KCNH5: variants seen among roughly 807,000 people sequenced by gnomAD.
KCNH5 encodes voltage-gated delayed rectifier potassium channel KCNH5.
In KCNH5, 46 loss-of-function variants were observed where a neutral mutation model predicts 96.1. The observed-to-expected ratio is 0.48, with a 90% CI of 0.38 to 0.61. The LOEUF (loss-of-function observed/expected upper bound fraction) is 0.61. Ranked by LOEUF, KCNH5 falls within the 20% of genes least tolerant of loss-of-function variation. KCNH5 has a pLI of 0.00. For missense variants in KCNH5, 907 were observed against 1,225.8 expected, an observed-to-expected ratio of 0.74 and a Z score of 3.88; for synonymous variants, 439 against 449.8, an observed-to-expected ratio of 0.98 and a Z score of 0.30.
intron 6 of KCNH5, among the ~76,000 whole-genome samples, chr14:62,977,458 C>T (rs535523752): frequency 6.6e-6 from 1 of 152,058 alleles, no homozygotes; most frequent in Non-Finnish European, 1.5e-5. Flanking sequence ...GAAAATGGTG[C>T]ATTTAAATAG....
At position 62,944,133 on chromosome 14, in the gene KCNH5, T is replaced by C. The variant is rs566555825; in HGVS notation, c.1369+6000A>G. ...GACAGAGCCCACATCCAACTTAGCA[T>C]TATGGTAGCAAGAGCCTAGGAAAGG... On this transcript the variant is annotated intron_variant, in intron 7 of 10. Transcript: ENST00000322893. 5.0e-4 allele frequency among the ~76,000 whole-genome samples: 76 copies of C among 152,166 alleles called. 2 individuals carry two copies. In the South Asian group the frequency reaches 0.016, roughly 32 times the overall value.
chr14:62,930,975 G>T (rs2140115737), intron 7 of KCNH5, among the ~76,000 whole-genome samples: 1 of 152,226 alleles, frequency 6.6e-6, no homozygotes, highest in East Asian at 1.9e-4. Context: ...CACAGTGCTT[G>T]ATCATTTTTA....
intron 10 of KCNH5, among the ~76,000 whole-genome samples, chr14:62,738,727 G>T (rs1595600810): frequency 6.6e-6 from 1 of 152,056 alleles, no homozygotes; most frequent in Admixed American, 6.6e-5. Flanking sequence ...AGTACCATCA[G>T]GCACTGTGCC....
At chr14:62,925,823 A>T (rs551316817) in intron 7 of KCNH5, among the ~76,000 whole-genome samples, 4 of 152,216 alleles carry the variant, frequency 2.6e-5, no homozygotes, top group African/African-American at 9.6e-5. Flanking sequence ...AATAATAGTT[A>T]AATGGTTGAG....
At chr14:63,038,185 C>G (rs138469207) in intron 1 of KCNH5, among the ~76,000 whole-genome samples, 5,022 of 152,268 alleles carry the variant, frequency 0.033, 108 homozygotes, top group African/African-American at 0.044. Flanking sequence ...ATTTAATCAG[C>G]ATTGGCTTGG....
At chr14:62,817,603 C>T (rs1887014781) in intron 8 of KCNH5, among the ~76,000 whole-genome samples, 2 of 150,160 alleles carry the variant, frequency 1.3e-5, no homozygotes, top group South Asian at 4.2e-4. Flanking sequence ...GCTATATCTA[C>T]TATATGTCGA....
At chr14:62,799,367 A>C (rs2139996561) in intron 9 of KCNH5, among the ~76,000 whole-genome samples, 1 of 152,022 alleles carries the variant, frequency 6.6e-6, no homozygotes, top group East Asian at 1.9e-4. Flanking sequence ...ACCTGAGGTC[A>C]GGAGTTCGAG....
At chr14:62,863,355 G>T (rs1176772950) in intron 7 of KCNH5, among the ~76,000 whole-genome samples, 1 of 152,140 alleles carries the variant, frequency 6.6e-6, no homozygotes, top group Non-Finnish European at 1.5e-5. Context: ...AAAGTACTCT[G>T]ACATGCCAGT....
At position 62,702,504 on chromosome 14, in the gene KCNH5, C is replaced by A. The variant is rs546531223; in HGVS notation, c.*5004G>T. 7.9e-5 allele frequency: 12 copies of A among 152,066 alleles called. No homozygotes were observed. The South Asian group carries it at 2.5e-3, about 32-fold the overall frequency. 9.4% of individuals were successfully genotyped at this position (152,066 alleles called of 1,614,324 possible). Reference sequence around the variant, plus strand: ...TTAGAAACTCAACTTTACCATGTAACAAGTATGCCATCCTGGACAAGTTCC... The same window carrying A: ...TTAGAAACTCAACTTTACCATGTAAAAAGTATGCCATCCTGGACAAGTTCC... On this transcript the variant is annotated 3_prime_UTR_variant, in exon 11 of 11. Coordinates refer to ENST00000322893, the MANE Select transcript of KCNH5 (RefSeq NM_139318.5).
At chr14:62,801,843 G>C (rs1226423535) in intron 9 of KCNH5, among the ~76,000 whole-genome samples, 1 of 152,070 alleles carries the variant, frequency 6.6e-6, no homozygotes, top group Non-Finnish European at 1.5e-5. Flanking sequence ...CGTGATGAGG[G>C]AGAAAGTTCT....
chr14:63,017,051 A>C (rs752039095), intron 1 of KCNH5, 97 bp from the exon 2 acceptor site: 20 of 1,170,162 alleles, frequency 1.7e-5, no homozygotes, highest in Non-Finnish European at 2.4e-5. Flanking sequence ...AGATGGACAC[A>C]TACAACTATG....
intron 7 of KCNH5, among the ~76,000 whole-genome samples, chr14:62,852,781 C>T (rs919735088): frequency 6.6e-6 from 1 of 152,104 alleles, no homozygotes; most frequent in Non-Finnish European, 1.5e-5. Flanking sequence ...GATAATGTGA[C>T]AGCATGTATG....
chr14:62,886,749 G>A (rs1257462200), intron 7 of KCNH5, among the ~76,000 whole-genome samples: 1 of 152,086 alleles, frequency 6.6e-6, no homozygotes, highest in Non-Finnish European at 1.5e-5. Flanking sequence ...TCCTTTCAAA[G>A]ACTTGGCTAT....
At chr14:62,736,349 G>A (rs1885156069) in intron 10 of KCNH5, among the ~76,000 whole-genome samples, 1 of 151,874 alleles carries the variant, frequency 6.6e-6, no homozygotes, top group Non-Finnish European at 1.5e-5. Context: ...ACTGACAGAG[G>A]AGGAGCATTG....
intron 10 of KCNH5, among the ~76,000 whole-genome samples, chr14:62,755,936 T>C (rs376812205): frequency 3.3e-5 from 5 of 152,108 alleles, no homozygotes; most frequent in Admixed American, 1.3e-4. Flanking sequence ...CCTCAAAAAA[T>C]TGGGCATAGA....
Position 63,003,821 on chromosome 14 carries a change from C to T in KCNH5, c.305-2362G>A, listed in dbSNP as rs557400623. On this transcript the variant is annotated intron_variant, in intron 3 of 10. Transcript: ENST00000322893. ...ATTTTTAGTAGAGACGGGGTTTCACCGTGTTAACCAGGATGGTCTCGATTT... is the reference window on the plus strand; with the variant it reads ...ATTTTTAGTAGAGACGGGGTTTCACTGTGTTAACCAGGATGGTCTCGATTT... Among the ~76,000 whole-genome samples, 297 of 150,746 alleles carry T rather than the reference C, an allele frequency of 2.0e-3. 3 individuals are homozygous for T. The highest frequency in any genetic ancestry group is 7.1e-3 in the African/African-American group (290 of 40,958).
At chr14:63,004,402 C>T (rs3910329) in intron 3 of KCNH5, among the ~76,000 whole-genome samples, 30,537 of 152,054 alleles carry the variant, frequency 0.2, 3,623 homozygotes, top group East Asian at 0.38. Context: ...GTATATATCC[C>T]ATTGGCTATA....
Position 62,708,354 on chromosome 14 carries a change from T to C in KCNH5, c.2121A>G (p.Arg707=). The C allele has an allele frequency of 6.2e-7, 1 of 1,614,082 alleles. No individual in the cohort carries two copies. The highest frequency in any genetic ancestry group is 8.5e-7 in the Non-Finnish European group (1 of 1,180,034). Residue 707 remains arginine (R), a synonymous_variant, in exon 11 of 11, where the codon AGA becomes AGG. Coordinates refer to ENST00000322893, the MANE Select transcript of KCNH5 (RefSeq NM_139318.5). ...GCTGCTTGAACTTCTGGAAGAGCTTTCTGACTGGGTGGTCCACGGGAATGC... is the reference window on the plus strand; with the variant it reads ...GCTGCTTGAACTTCTGGAAGAGCTTCCTGACTGGGTGGTCCACGGGAATGC... ...TLSIPVDHPV[R]KLFQKFKQQK... is the part of the protein sequence containing the mutation.
At chr14:62,862,385 T>G (rs569198572) in intron 7 of KCNH5, among the ~76,000 whole-genome samples, 1 of 152,180 alleles carries the variant, frequency 6.6e-6, no homozygotes, top group Non-Finnish European at 1.5e-5. Context: ...ATATGTCTTC[T>G]GGCTGATTCT....
Sources: allele counts gnomAD v4.1 joint callset (sites outside exome capture counted in the v4.1 genomes callset), GRCh38; gene constraint gnomAD v4.1.1; transcripts MANE v1.5; gene names NCBI Gene and HGNC (gene_info 2026-07-23, HGNC 2026-07-21).